Variants in ZNF385B observed in about 807,000 individuals in gnomAD.
ZNF385B encodes the protein zinc finger protein 385B, also known as zinc finger protein 533.
ZNF385B carries 23 observed loss-of-function variants against 39.2 expected under a neutral mutation model. The observed-to-expected ratio is 0.59, with a 90% CI of 0.42 to 0.83. ZNF385B has a LOEUF of 0.83. Among genes scored for constraint, ZNF385B ranks in the 40% least tolerant of loss-of-function variants. ZNF385B has a pLI of 0.00. For missense variants in ZNF385B, 552 were observed against 598.9 expected, an observed-to-expected ratio of 0.92 and a Z score of 0.82; for synonymous variants, 205 against 222.6, an observed-to-expected ratio of 0.92 and a Z score of 0.70.
intron 1 of ZNF385B, among the ~76,000 whole-genome samples, chr2:179,796,553 TC>T (rs541315057): frequency 9.5e-4 from 145 of 152,302 alleles, no homozygotes; most frequent in African/African-American, 3.1e-3. Flanking sequence ...AATTGTGCTT[TC>T]TTTTCCCCCC....
chr2:179,759,450 T>C (rs915421437), intron 3 of ZNF385B, among the ~76,000 whole-genome samples: 3 of 152,190 alleles, frequency 2.0e-5, no homozygotes, highest in Non-Finnish European at 2.9e-5. Flanking sequence ...TCTGTTCCCA[T>C]AGGACCAGAA....
In ZNF385B at chr2:179,485,776, T is replaced by C. The variant is rs557882471; in HGVS notation, c.553-2342A>G. ...GTGTTATTTCTTGTAGGGCGGGAGG[T>C]GGCTGGGGAAAAAAATATTGCTTTG... On this transcript the variant is annotated intron_variant, in intron 5 of 9. Transcript: ENST00000410066. Among the ~76,000 whole-genome samples, 11 of 152,122 alleles carry C rather than the reference T, an allele frequency of 7.2e-5. No individual in the cohort carries two copies. In the South Asian group the frequency reaches 2.3e-3, roughly 32 times the overall value.
In ZNF385B at chr2:179,732,100, T is replaced by C. The variant is rs150240913; in HGVS notation, c.298+37403A>G. ...TTTGAGGTTATAGTCTCTGAACCTA[T>C]TAAAACTGTCTCACAGCAGGAGTTT... is the stretch of plus-strand genomic sequence containing the variant. On this transcript the variant is annotated intron_variant, in intron 3 of 9. Transcript: ENST00000410066. 3.2e-3 allele frequency among the ~76,000 whole-genome samples: 489 copies of C among 152,340 alleles called. 3 individuals are homozygous for C. Among genetic ancestry groups the C allele is most frequent in the African/African-American group, 0.011 (471 of 41,580 alleles).
intron 4 of ZNF385B, among the ~76,000 whole-genome samples, chr2:179,540,120 C>T (rs191807879): frequency 6.6e-6 from 1 of 152,158 alleles, no homozygotes; most frequent in African/African-American, 2.4e-5. Context: ...AGCTGGAAGA[C>T]AGTTTATAAC....
intron 3 of ZNF385B, among the ~76,000 whole-genome samples, chr2:179,655,781 T>C (rs909887049): frequency 2.6e-5 from 4 of 152,178 alleles, no homozygotes; most frequent in African/African-American, 9.7e-5. Context: ...AAGGCAAATA[T>C]GTTTACCCAG....
At position 179,546,582 on chromosome 2, in the gene ZNF385B, C is replaced by G. The variant is rs144642369; in HGVS notation, c.299-1613G>C. On this transcript the variant is annotated intron_variant, in intron 3 of 9. Transcript: ENST00000410066. ...ATTCTTTTTATGGCTGAATAGTACT[C>G]TACTGTATATATGTAACTCATTTTC... Among the ~76,000 whole-genome samples the G allele has an allele frequency of 3.0e-3, 457 of 152,274 alleles. 3 individuals carry two copies. The highest frequency in any genetic ancestry group is 0.01 in the African/African-American group (432 of 41,550).
chr2:179,540,716 C>A (rs563442664), intron 4 of ZNF385B, among the ~76,000 whole-genome samples: 1 of 152,170 alleles, frequency 6.6e-6, no homozygotes, highest in East Asian at 1.9e-4. Flanking sequence ...AGATAGAGCC[C>A]CTGTCCTCAA....
intron 3 of ZNF385B, among the ~76,000 whole-genome samples, chr2:179,589,894 T>C (rs1026961401): frequency 3.3e-5 from 5 of 152,240 alleles, no homozygotes; most frequent in Non-Finnish European, 7.3e-5. Flanking sequence ...GATCTGCTAA[T>C]TTTTCTTTTG....
At chr2:179,447,206 CTT>C (rs2049587854) in intron 6 of ZNF385B, among the ~76,000 whole-genome samples, 1 of 152,094 alleles carries the variant, frequency 6.6e-6, no homozygotes, top group South Asian at 2.1e-4. Flanking sequence ...ATAAGTTAAA[CTT>C]AATTTTTATA....
intron 1 of ZNF385B, among the ~76,000 whole-genome samples, chr2:179,825,070 T>C (rs1317269848): frequency 6.6e-6 from 1 of 152,228 alleles, no homozygotes; most frequent in Non-Finnish European, 1.5e-5. Context: ...AAGCCACAGC[T>C]GTTGTGCTTT....
intron 1 of ZNF385B, among the ~76,000 whole-genome samples, chr2:179,830,223 A>T (rs773947504): frequency 6.6e-6 from 1 of 152,234 alleles, no homozygotes; most frequent in African/African-American, 2.4e-5. Flanking sequence ...AAAACTGACC[A>T]TACTGTATGC....
chr2:179,651,293 G>A (rs1307108353), intron 3 of ZNF385B, among the ~76,000 whole-genome samples: 2 of 152,014 alleles, frequency 1.3e-5, no homozygotes, highest in African/African-American at 4.8e-5. Flanking sequence ...TTTCAGGTGA[G>A]GGATCAATAA....
Position 179,739,950 on chromosome 2 carries a change from TAA to T in ZNF385B, c.298+29551_298+29552del, listed in dbSNP as rs561779171. On this transcript the variant is annotated intron_variant, in intron 3 of 9. Transcript: ENST00000410066. ...ACACAAAATCCAAAAGCTCCTAGAT[TAA>T]GAGTTAACTAATTTATTATAACTAT... is the stretch of plus-strand genomic sequence containing the variant. Among the ~76,000 whole-genome samples, 505 of 152,204 alleles carry T rather than the reference TAA, an allele frequency of 3.3e-3. 2 individuals are homozygous for T. The highest frequency in any genetic ancestry group is 0.012 in the African/African-American group (483 of 41,528).
intron 6 of ZNF385B, 122 bp downstream of exon 6, chr2:179,483,150 T>C: frequency 9.2e-7 from 1 of 1,089,544 alleles, no homozygotes; most frequent in Non-Finnish European, 1.3e-6. Context: ...GAAGAAAACA[T>C]ATTAATATCA....
At chr2:179,850,945 A>AT (rs1684091502) in intron 1 of ZNF385B, among the ~76,000 whole-genome samples, 1 of 152,098 alleles carries the variant, frequency 6.6e-6, no homozygotes, top group Admixed American at 6.5e-5. Context: ...TGCCTTTTGT[A>AT]TTTTTTCCTT....
intron 1 of ZNF385B, among the ~76,000 whole-genome samples, chr2:179,788,672 T>C (rs895620878): frequency 1.1e-4 from 16 of 152,066 alleles, no homozygotes; most frequent in Non-Finnish European, 1.8e-4. Flanking sequence ...AGACTCAATA[T>C]CAGAGCAATT....
At chr2:179,571,030 C>T (rs542412706) in intron 3 of ZNF385B, among the ~76,000 whole-genome samples, 19 of 152,226 alleles carry the variant, frequency 1.2e-4, no homozygotes, top group African/African-American at 4.6e-4. Flanking sequence ...CATATTTAAT[C>T]CAGGTTTTTT....
intron 1 of ZNF385B, among the ~76,000 whole-genome samples, chr2:179,824,245 GA>G (rs1235692223): frequency 6.6e-6 from 1 of 152,108 alleles, no homozygotes; most frequent in Non-Finnish European, 1.5e-5. Flanking sequence ...TGGCTAAAGG[GA>G]TGGGGCACAC....
intron 4 of ZNF385B, among the ~76,000 whole-genome samples, chr2:179,543,496 C>T (rs1228388667): frequency 6.6e-6 from 1 of 152,096 alleles, no homozygotes; most frequent in Admixed American, 6.6e-5. Context: ...TGGAATGTGT[C>T]ACACATGTTT....
Sources: allele counts gnomAD v4.1 joint callset (sites outside exome capture counted in the v4.1 genomes callset), GRCh38; gene constraint gnomAD v4.1.1; transcripts MANE v1.5; gene names NCBI Gene and HGNC (gene_info 2026-07-23, HGNC 2026-07-21).